The following ELAVL2 variants were observed in gnomAD, a reference collection of about 807,000 sequenced individuals.
ELAVL2 encodes the protein ELAV-like protein 2.
ELAVL2 carries 4 observed loss-of-function variants against 34.6 expected under a neutral mutation model. The ratio of observed to expected loss-of-function variants is 0.12; its 90% CI spans 0.06 to 0.26. ELAVL2 has a LOEUF of 0.26. ELAVL2 is among the 10% of genes least tolerant of loss of function. The pLI is 1.00. For synonymous variants in ELAVL2, 193 were observed against 154.8 expected, an observed-to-expected ratio of 1.25 and a Z score of -1.83; for missense variants, 432 against 442.8, an observed-to-expected ratio of 0.98 and a Z score of 0.22.
chr9:23,787,980 G>A (rs2059899308), intron 1 of ELAVL2, among the ~76,000 whole-genome samples: 1 of 152,142 alleles, frequency 6.6e-6, no homozygotes, highest in Non-Finnish European at 1.5e-5. Context: ...CTGAACACAG[G>A]CTTTAGTCCA....
chr9:23,695,973 C>T (rs540088902), intron 5 of ELAVL2, among the ~76,000 whole-genome samples: 10 of 152,284 alleles, frequency 6.6e-5, no homozygotes, highest in South Asian at 2.1e-4. Context: ...TTTTTTATAA[C>T]AGGATCTCCG....
At chr9:23,768,891 T>G (rs1336384363) in intron 1 of ELAVL2, among the ~76,000 whole-genome samples, 1 of 152,150 alleles carries the variant, frequency 6.6e-6, no homozygotes, top group Admixed American at 6.6e-5. Flanking sequence ...TCACCAGTGA[T>G]CTTCATACTA....
At chr9:23,736,641 C>A (rs1228758704) in intron 2 of ELAVL2, among the ~76,000 whole-genome samples, 3 of 152,234 alleles carry the variant, frequency 2.0e-5, no homozygotes, top group African/African-American at 7.2e-5. Context: ...GCATCACGTT[C>A]TGCCAGTCCT....
intron 2 of ELAVL2, among the ~76,000 whole-genome samples, chr9:23,757,965 T>C (rs1011343174): frequency 2.0e-5 from 3 of 152,134 alleles, no homozygotes; most frequent in Admixed American, 6.6e-5. Flanking sequence ...TATAGTTTCC[T>C]GATTCAGCAT....
At chr9:23,825,103 A>T (rs964617332) in intron 1 of ELAVL2, among the ~76,000 whole-genome samples, 1 of 152,234 alleles carries the variant, frequency 6.6e-6, no homozygotes, top group Non-Finnish European at 1.5e-5. Context: ...TACAGGCTTA[A>T]GAATTCAGCC....
chr9:23,762,195 T>C lies in ELAVL2; in HGVS notation c.40A>G (p.Thr14Ala). Residue 14 changes from threonine (T) to alanine (A), a missense_variant, in exon 2 of 7, where the codon ACA becomes GCA. By Grantham distance (58) the Thr-to-Ala change is moderately conservative (BLOSUM62 0). Coordinates refer to ENST00000397312, the MANE Select transcript of ELAVL2 (RefSeq NM_004432.5). Reference sequence around the variant, plus strand: ...TTTATGGTGGTTGGACCATTGGCTGTGTTATTGCAAGTTGGCCCATTAGAC... The same window carrying C: ...TTTATGGTGGTTGGACCATTGGCTGCGTTATTGCAAGTTGGCCCATTAGAC... ...QLSNGPTCNN[T>A]ANGPTTINNN... 1 of 1,613,624 alleles carries C rather than the reference T, an allele frequency of 6.2e-7. No individual in the cohort carries two copies. The highest frequency in any genetic ancestry group is 8.5e-7 in the Non-Finnish European group (1 of 1,179,628).
intron 2 of ELAVL2, among the ~76,000 whole-genome samples, chr9:23,739,276 C>T (rs966362864): frequency 2.0e-5 from 3 of 152,086 alleles, no homozygotes; most frequent in Non-Finnish European, 4.4e-5. Context: ...AAACAAAAGG[C>T]GGTTCTCATC....
chr9:23,794,131 A>G (rs1031385367), intron 1 of ELAVL2, among the ~76,000 whole-genome samples: 8 of 152,210 alleles, frequency 5.3e-5, no homozygotes, highest in South Asian at 4.1e-4. Context: ...AGATACTCCA[A>G]TGTCACTGAC....
intron 3 of ELAVL2, among the ~76,000 whole-genome samples, chr9:23,718,470 A>C (rs1212988959): frequency 1.3e-5 from 2 of 152,180 alleles, no homozygotes; most frequent in Admixed American, 6.5e-5. Context: ...CAATCAGTAG[A>C]AACTGTACCA....
chr9:23,792,149 T>A (rs2060399978), intron 1 of ELAVL2, among the ~76,000 whole-genome samples: 1 of 152,212 alleles, frequency 6.6e-6, no homozygotes, highest in Non-Finnish European at 1.5e-5. Context: ...ACTTTTATTA[T>A]AAAACAGGCT....
intron 1 of ELAVL2, among the ~76,000 whole-genome samples, chr9:23,769,945 C>G (rs780113953): frequency 3.9e-5 from 6 of 152,184 alleles, no homozygotes; most frequent in Non-Finnish European, 8.8e-5. Context: ...CCAAGTCCTT[C>G]TCTTCAGTCT....
intron 1 of ELAVL2, among the ~76,000 whole-genome samples, chr9:23,763,712 A>C (rs2055584300): frequency 6.6e-6 from 1 of 152,164 alleles, no homozygotes. Context: ...TTACAAAAGA[A>C]GGCAGTGTTG....
intron 3 of ELAVL2, among the ~76,000 whole-genome samples, chr9:23,723,339 C>T (rs552017710): frequency 6.6e-6 from 1 of 152,050 alleles, no homozygotes; most frequent in East Asian, 1.9e-4. Flanking sequence ...CCAAACACCG[C>T]ATGTTCTCAC....
intron 2 of ELAVL2, among the ~76,000 whole-genome samples, chr9:23,735,944 A>G (rs1345167660): frequency 2.0e-5 from 3 of 152,186 alleles, no homozygotes; most frequent in Non-Finnish European, 2.9e-5. Context: ...AAACACAGTA[A>G]ATGGCAATAT....
At chr9:23,795,437 C>T (rs1003331195) in intron 1 of ELAVL2, among the ~76,000 whole-genome samples, 4 of 151,868 alleles carry the variant, frequency 2.6e-5, no homozygotes, top group Non-Finnish European at 4.4e-5. Flanking sequence ...CAGCTACTCG[C>T]GAGGCTGTGA....
At chr9:23,713,216 G>C (rs3829087) in intron 3 of ELAVL2, among the ~76,000 whole-genome samples, 27,311 of 152,138 alleles carry the variant, frequency 0.18, 2,861 homozygotes, top group South Asian at 0.38. Context: ...AAGGCAAATG[G>C]GATACATGGT....
At chr9:23,737,973 G>A (rs1158627896) in intron 2 of ELAVL2, among the ~76,000 whole-genome samples, 1 of 152,150 alleles carries the variant, frequency 6.6e-6, no homozygotes, top group Non-Finnish European at 1.5e-5. Flanking sequence ...TTACAAAGGG[G>A]GAAAATTTTT....
intron 1 of ELAVL2, among the ~76,000 whole-genome samples, chr9:23,780,935 G>T (rs1174951589): frequency 2.0e-5 from 3 of 152,110 alleles, no homozygotes; most frequent in African/African-American, 4.8e-5. Flanking sequence ...CCAAGTCCCA[G>T]GCTAACAAAC....
intron 2 of ELAVL2, among the ~76,000 whole-genome samples, chr9:23,738,674 G>A (rs908824563): frequency 6.6e-6 from 1 of 152,138 alleles, no homozygotes; most frequent in Non-Finnish European, 1.5e-5. Context: ...GTTTCTAAAT[G>A]ATTTTCAGGA....
Sources: gnomAD v4.1 joint callset for allele counts (sites outside exome capture counted in the v4.1 genomes callset) on GRCh38, gnomAD v4.1.1 for gene constraint, MANE v1.5 for transcripts, NCBI Gene and HGNC (gene_info 2026-07-23, HGNC 2026-07-21) for gene names.